The following PRR3 variants were observed in gnomAD, a reference collection of about 807,000 sequenced individuals.
PRR3 encodes proline rich 3, also known as proline-rich protein 3.
PRR3 carries 16 observed loss-of-function variants against 22.4 expected under a neutral mutation model. The observed-to-expected ratio is 0.71, with a 90% confidence interval of 0.48 to 1.09. The LOEUF (loss-of-function observed/expected upper bound fraction) is 1.09. Ranked by LOEUF, PRR3 falls within the 50% of genes least tolerant of loss-of-function variation. The probability of loss-of-function intolerance (pLI) is 0.00; values close to 1 mark genes in which losing one functional copy is unlikely to be tolerated. For missense variants in PRR3, 224 were observed against 243.4 expected, an observed-to-expected ratio of 0.92 and a Z score of 0.53; for synonymous variants, 87 against 88.6, an observed-to-expected ratio of 0.98 and a Z score of 0.10.
At position 30,561,676 on chromosome 6, in the gene PRR3, A is replaced by C; in HGVS notation, c.170-158A>C. ...TCTCTTCACCTGGTGGTGGAAACTC[A>C]AGTGTGTCTACTTTGTGAGAACTGG... On this transcript the variant is annotated intron_variant, in intron 2 of 3. Transcript: ENST00000376560. The surrounding 1 kb of genome is among the most constrained non-coding windows in gnomAD (Gnocchi z 4.0). 1.5e-6 allele frequency: 1 copy of C among 653,004 alleles called. No individual in the cohort carries two copies. The highest frequency in any genetic ancestry group is 2.6e-6 in the Non-Finnish European group (1 of 388,786). 40.5% of individuals were successfully genotyped at this position (653,004 alleles called of 1,614,324 possible).
chr6:30,558,644 T>C (rs1044135872), intron 2 of PRR3, among the ~76,000 whole-genome samples: 6 of 152,094 alleles, frequency 3.9e-5, no homozygotes, highest in Non-Finnish European at 7.4e-5. Context: ...CTGGGCAACA[T>C]AGTGAGATCC....
upstream of PRR3, chr6:30,556,975 T>C (rs1800263352): frequency 3.1e-6 from 2 of 639,364 alleles, no homozygotes; most frequent in East Asian, 5.4e-5. The surrounding 1 kb of genome is among the most constrained non-coding windows in gnomAD (Gnocchi z 5.7). Flanking sequence ...GGACCGGATG[T>C]GGCGATCTTA....
chr6:30,561,882 T>C lies in PRR3; in HGVS notation c.218T>C (p.Leu73Pro). 6.2e-7 allele frequency: 1 copy of C among 1,600,880 alleles called. No homozygotes were observed. Among genetic ancestry groups the C allele is most frequent in the East Asian group, 2.3e-5 (1 of 44,418 alleles). Residue 73 changes from leucine to proline, a missense_variant, in exon 3 of 4, where the codon CTG becomes CCG. Leu to Pro is a moderately conservative substitution (Grantham distance 98). Transcript: ENST00000376560. This position sits in a 1 kb window ranked among gnomAD's most constrained non-coding sequence, Gnocchi z 4.0. ...TCAAGGGGACCACTGATTCCACCACTGCTGAGTCTCCCACCTCCTCCTTGG... is the reference window on the plus strand; with the variant it reads ...TCAAGGGGACCACTGATTCCACCACCGCTGAGTCTCCCACCTCCTCCTTGG... ...PGSRGPLIPP[L>P]LSLPPPPWGR...
Position 30,561,959 on chromosome 6 carries a change from C to T in PRR3, c.295C>T (p.Arg99Cys), listed in dbSNP as rs765811939. The T allele has an allele frequency of 3.1e-6, 5 of 1,612,866 alleles. No individual in the cohort carries two copies. The highest frequency in any genetic ancestry group is 4.2e-6 in the Non-Finnish European group (5 of 1,180,034). ...GLGPRSSPYG[R>C]GWWGVNAEPP... Reference sequence around the variant, plus strand: ...TGGCCCCAGGTCTAGCCCATATGGTCGTGGTTGGTGGGGAGTCAATGCAGA... The same window carrying T: ...TGGCCCCAGGTCTAGCCCATATGGTTGTGGTTGGTGGGGAGTCAATGCAGA... The change falls in exon 3 of 4, where the codon CGT becomes TGT. Residue 99 changes from arginine to cysteine, a missense_variant. Arg to Cys is a radical substitution (Grantham distance 180). Transcript: ENST00000376560. The surrounding 1 kb of genome is among the most constrained non-coding windows in gnomAD (Gnocchi z 4.0).
chr6:30,556,903 G>T, upstream of PRR3: 1 of 605,346 alleles, frequency 1.7e-6, no homozygotes, highest in Non-Finnish European at 2.9e-6. The surrounding 1 kb of genome is among the most constrained non-coding windows in gnomAD (Gnocchi z 5.7). Context: ...GCGGGACAAG[G>T]ACTTTTGGGG....
At position 30,557,309 on chromosome 6, in the gene PRR3, C is replaced by T. The variant is rs1210308235; in HGVS notation, c.-36C>T. On this transcript the variant is annotated 5_prime_UTR_variant, in exon 1 of 4. Transcript: ENST00000376560. ...TCCCCGCGTGCCCCTTCCTCACTACCCTCCAAATCCCGCTGCAGCCATTGC... is the reference window on the plus strand; with the variant it reads ...TCCCCGCGTGCCCCTTCCTCACTACTCTCCAAATCCCGCTGCAGCCATTGC... 12 of 1,552,484 alleles carry T rather than the reference C, an allele frequency of 7.7e-6. No individual in the cohort carries two copies. The highest frequency in any genetic ancestry group is 1.7e-5 in the Admixed American group (1 of 57,592).
In PRR3 at chr6:30,562,624, C is replaced by A; in HGVS notation, c.*129C>A. On this transcript the variant is annotated 3_prime_UTR_variant, in exon 4 of 4. Coordinates refer to ENST00000376560, the MANE Select transcript of PRR3 (RefSeq NM_025263.4). ...TCAGTCAGTGACACACCCATCCCAT[C>A]CACCACTTCCCCCGTGTGGGGTCCA... 1 of 648,900 alleles carries A rather than the reference C, an allele frequency of 1.5e-6. No homozygotes were observed. The highest frequency in any genetic ancestry group is 2.7e-5 in the Admixed American group (1 of 36,664). 40.2% of individuals were successfully genotyped at this position (648,900 alleles called of 1,614,324 possible). A position where few individuals can be genotyped will look rare whatever the true frequency, so the allele number is the denominator to read the frequency against.
At chr6:30,556,737 A>G (rs1246769545), upstream of PRR3, 7 of 393,516 alleles carry the variant, frequency 1.8e-5, no homozygotes, top group Non-Finnish European at 3.3e-5. This position sits in a 1 kb window ranked among gnomAD's most constrained non-coding sequence, Gnocchi z 5.7. Context: ...AGGTTGCTGG[A>G]CTACACCGGG....
At position 30,557,442 on chromosome 6, in the gene PRR3, G is replaced by A; in HGVS notation, c.98G>A (p.Ser33Asn). Residue 33 changes from serine to asparagine, a missense_variant, in exon 1 of 4, where the codon AGT (serine) becomes AAT (asparagine). By Grantham distance (46) the Ser-to-Asn change is conservative. Coordinates refer to ENST00000376560, the MANE Select transcript of PRR3 (RefSeq NM_025263.4). ...GAGACTGGAGATGAGGAGGATGGGA[G>A]TCCCATCGGTGAGGGGTCTGGGAGG... is the stretch of plus-strand genomic sequence containing the variant. ...REETGDEEDG[S>N]PIGPPSLLGP... 6.2e-7 allele frequency: 1 copy of A among 1,608,070 alleles called. No individual in the cohort carries two copies. The highest frequency in any genetic ancestry group is 8.5e-7 in the Non-Finnish European group (1 of 1,176,818).
At chr6:30,557,003 TCTC>T (rs1425595984), upstream of PRR3, 6 of 677,104 alleles carry the variant, frequency 8.9e-6, no homozygotes, top group Admixed American at 1.0e-4. Context: ...ACAGTCCTCT[TCTC>T]AGGCCCTCTG....
chr6:30,561,025 A>G lies in PRR3; in HGVS notation c.170-809A>G, dbSNP rs1210787095. ...AGCCTGGGCAGTGTGGCAAGACCCA[A>G]TCTCTCATTAAATAAATAATAATAA... On this transcript the variant is annotated intron_variant, in intron 2 of 3. Transcript: ENST00000376560. The surrounding 1 kb of genome is among the most constrained non-coding windows in gnomAD (Gnocchi z 4.0). 32 of 219,628 alleles carry G rather than the reference A, an allele frequency of 1.5e-4. No homozygotes were observed. The highest frequency in any genetic ancestry group is 2.7e-5 in the Non-Finnish European group (3 of 110,092). The allele number at this position is 219,628 out of a possible 1,614,324, so 13.6% of individuals were successfully genotyped here. A position where few individuals can be genotyped will look rare whatever the true frequency, so the allele number is the denominator to read the frequency against.
At position 30,562,818 on chromosome 6, in the gene PRR3, C is replaced by T; in HGVS notation, c.*323C>T. The stretch of plus-strand genomic sequence containing the variant: ...AACCTCTTTGGTGCTGTTTCTTGTG[C>T]ATCTGTCCACCTGTTCCCCAGTATT... On this transcript the variant is annotated 3_prime_UTR_variant, in exon 4 of 4. Coordinates refer to ENST00000376560, the MANE Select transcript of PRR3 (RefSeq NM_025263.4). 4.1e-6 allele frequency: 1 copy of T among 242,416 alleles called. No homozygotes were observed. Among genetic ancestry groups the T allele is most frequent in the Non-Finnish European group, 7.9e-6 (1 of 126,372 alleles). The allele number at this position is 242,416 out of a possible 1,614,324, so 15.0% of individuals were successfully genotyped here. A position where few individuals can be genotyped will look rare whatever the true frequency, so the allele number is the denominator to read the frequency against.
chr6:30,557,396 C>G lies in PRR3; in HGVS notation c.52C>G (p.Pro18Ala). 1 of 1,612,566 alleles carries G rather than the reference C, an allele frequency of 6.2e-7. No individual in the cohort carries two copies. The highest frequency in any genetic ancestry group is 8.5e-7 in the Non-Finnish European group (1 of 1,179,866). Residue 18 changes from proline to alanine, a missense_variant, in exon 1 of 4, where the codon CCC (proline) becomes GCC (alanine). Transcript: ENST00000376560. ...NHHQPPTQQQ[P>A]PLPEREETGD... ...TCACCAGCCACCGACACAGCAGCAG[C>G]CCCCGCTGCCCGAGCGGGAAGAGAC...
upstream of PRR3, chr6:30,557,096 T>C (rs1800279807): frequency 2.8e-6 from 2 of 702,290 alleles, no homozygotes; most frequent in Non-Finnish European, 5.2e-6. Flanking sequence ...AAAGAGTAAT[T>C]TTTTCAAAGC....
At position 30,561,193 on chromosome 6, in the gene PRR3, AT is replaced by A. The variant is rs1800604562; in HGVS notation, c.170-639del. On this transcript the variant is annotated intron_variant, in intron 2 of 3. Transcript: ENST00000376560. The surrounding 1 kb of genome is among the most constrained non-coding windows in gnomAD (Gnocchi z 4.0). Reference sequence around the variant, plus strand: ...AACCACTGTGAAAAAAAAGTTTGGCATTATGTATGAAACTTGAGCATAACAT... The same window carrying A: ...AACCACTGTGAAAAAAAAGTTTGGCATATGTATGAAACTTGAGCATAACAT... 1 of 324,690 alleles carries A rather than the reference AT, an allele frequency of 3.1e-6. No individual in the cohort carries two copies. Among genetic ancestry groups the A allele is most frequent in the Non-Finnish European group, 6.0e-6 (1 of 166,942 alleles). 20.1% of individuals were successfully genotyped at this position (324,690 alleles called of 1,614,324 possible).
chr6:30,561,533 C>A lies in PRR3; in HGVS notation c.170-301C>A. ...TGTATGATTCCATTTTTGTGAAGTT[C>A]AAAAACAGGCAAAAACTAACCTATG... On this transcript the variant is annotated intron_variant, in intron 2 of 3. Transcript: ENST00000376560. The surrounding 1 kb of genome is among the most constrained non-coding windows in gnomAD (Gnocchi z 4.0). 1.7e-6 allele frequency: 1 copy of A among 586,982 alleles called. No homozygotes were observed. The highest frequency in any genetic ancestry group is 1.8e-5 in the African/African-American group (1 of 54,070). 36.4% of individuals were successfully genotyped at this position (586,982 alleles called of 1,614,324 possible).
Position 30,562,369 on chromosome 6 carries a change from C to A in PRR3, c.461-20C>A. ...TTTGTTGCTCAAATTTTTAACTGTT[C>A]CATTTTCACTTGTTCACAGACAAAT... On this transcript the variant is annotated intron_variant, in intron 3 of 3. Coordinates refer to ENST00000376560, the MANE Select transcript of PRR3 (RefSeq NM_025263.4). 6.3e-7 allele frequency: 1 copy of A among 1,581,966 alleles called. No homozygotes were observed. The highest frequency in any genetic ancestry group is 8.7e-7 in the Non-Finnish European group (1 of 1,152,948).
chr6:30,557,197 C>G (rs1166857870), upstream of PRR3: 27 of 734,002 alleles, frequency 3.7e-5, no homozygotes, highest in Non-Finnish European at 4.6e-5. Flanking sequence ...ATGCGGCCGC[C>G]GCAGATGTTC....
rs1800608380 is a variant in PRR3, at chr6:30,561,249, A to G, written c.170-585A>G. 1 of 421,280 alleles carries G rather than the reference A, an allele frequency of 2.4e-6. No individual in the cohort carries two copies. Among genetic ancestry groups the G allele is most frequent in the South Asian group, 1.8e-5 (1 of 56,630 alleles). The allele number at this position is 421,280 out of a possible 1,614,324, so 26.1% of individuals were successfully genotyped here. On this transcript the variant is annotated intron_variant, in intron 2 of 3. Coordinates refer to ENST00000376560, the MANE Select transcript of PRR3 (RefSeq NM_025263.4). This position sits in a 1 kb window ranked among gnomAD's most constrained non-coding sequence, Gnocchi z 4.0. Reference sequence around the variant, plus strand: ...TTTATAAGCCAGTAATACCTCTACTACGTATATATTCAACAGAAATGCATA... The same window carrying G: ...TTTATAAGCCAGTAATACCTCTACTGCGTATATATTCAACAGAAATGCATA...
Sources: gnomAD v4.1 joint callset for allele counts (sites outside exome capture counted in the v4.1 genomes callset) on GRCh38, gnomAD v4.1.1 for gene constraint, Gnocchi (gnomAD v3.1) non-coding constraint, MANE v1.5 for transcripts, NCBI Gene and HGNC (gene_info 2026-07-23, HGNC 2026-07-21) for gene names.